The following GMDS variants were observed in gnomAD, a reference collection of about 807,000 sequenced individuals.
GMDS encodes GDP-mannose 4,6 dehydratase.
In GMDS, 20 loss-of-function variants were observed where a neutral mutation model predicts 49.9. The ratio of observed to expected loss-of-function variants is 0.40; its 90% CI spans 0.28 to 0.58. GMDS has a LOEUF of 0.58. Ranked by LOEUF, GMDS falls within the 20% of genes least tolerant of loss-of-function variation. GMDS has a pLI of 0.42. For synonymous variants in GMDS, 177 were observed against 178.6 expected (o/e 0.99, Z 0.07); for missense variants, 362 against 481.4 (o/e 0.75, Z 2.32).
intron 7 of GMDS, among the ~76,000 whole-genome samples, chr6:1,781,358 G>A (rs986099750): frequency 5.9e-5 from 9 of 152,198 alleles, no homozygotes; most frequent in African/African-American, 1.7e-4. Context: ...ATTGCTGCCC[G>A]GCTCCTGGGC....
intron 4 of GMDS, among the ~76,000 whole-genome samples, chr6:1,997,460 A>G (rs750722774): frequency 6.8e-6 from 1 of 146,790 alleles, no homozygotes; most frequent in Non-Finnish European, 1.5e-5. Context: ...GTGAGCTGAG[A>G]TCGCGCCACT....
intron 4 of GMDS, among the ~76,000 whole-genome samples, chr6:2,049,290 T>C (rs1379108585): frequency 2.0e-5 from 3 of 152,232 alleles, no homozygotes; most frequent in Non-Finnish European, 4.4e-5. Context: ...TCTGCAAATA[T>C]GAGAGATTTC....
intron 4 of GMDS, among the ~76,000 whole-genome samples, chr6:2,025,137 T>C (rs954494666): frequency 6.6e-6 from 1 of 152,054 alleles, no homozygotes; most frequent in Non-Finnish European, 1.5e-5. Flanking sequence ...GAAAAGATAC[T>C]AAAATAAATG....
chr6:2,112,883 T>C (rs1581666922), intron 4 of GMDS, among the ~76,000 whole-genome samples: 1 of 152,046 alleles, frequency 6.6e-6, no homozygotes, highest in Non-Finnish European at 1.5e-5. Flanking sequence ...TCATCAGCCC[T>C]ACTTGTCCTC....
intron 4 of GMDS, among the ~76,000 whole-genome samples, chr6:1,999,200 T>C (rs1766495561): frequency 6.6e-6 from 1 of 151,702 alleles, no homozygotes; most frequent in Non-Finnish European, 1.5e-5. Context: ...TGCATGCCTG[T>C]AATTCCAGCT....
At position 1,726,468 on chromosome 6, in the gene GMDS, GTCTCTTTACA is replaced by G; in HGVS notation, c.925_934del (p.Cys309ProfsTer6). 1 of 1,613,826 alleles carries G rather than the reference GTCTCTTTACA, an allele frequency of 6.2e-7. No individual in the cohort carries two copies. The highest frequency in any genetic ancestry group is 8.5e-7 in the Non-Finnish European group (1 of 1,179,670). ...ATCCACAGTCACGTGAACTTTGCCG[GTCTCTTTACA>G]TCTGCCCACTTCATTTTCATTCTTT... On this transcript the variant is annotated frameshift_variant, in exon 9 of 11. Coordinates refer to ENST00000380815, the MANE Select transcript of GMDS (RefSeq NM_001500.4). LOFTEE classifies it high-confidence loss of function.
At chr6:1,723,376 G>A (rs181486120) in intron 9 of GMDS, among the ~76,000 whole-genome samples, 158 of 142,882 alleles carry the variant, frequency 1.1e-3, no homozygotes, top group African/African-American at 4.0e-3. Flanking sequence ...GCCCAGGCTG[G>A]AGTGCAGTGG....
chr6:2,037,030 A>C (rs1294423269), intron 4 of GMDS, among the ~76,000 whole-genome samples: 1 of 152,194 alleles, frequency 6.6e-6, no homozygotes, highest in Non-Finnish European at 1.5e-5. Flanking sequence ...AGATAAAAGG[A>C]GGGAGCCCTT....
chr6:2,066,832 A>C (rs1771630402), intron 4 of GMDS, among the ~76,000 whole-genome samples: 1 of 151,848 alleles, frequency 6.6e-6, no homozygotes. Flanking sequence ...TTAACACCCC[A>C]CTGTCAACAT....
intron 4 of GMDS, among the ~76,000 whole-genome samples, chr6:2,021,507 G>A (rs1044032721): frequency 6.6e-6 from 1 of 152,004 alleles, no homozygotes; most frequent in African/African-American, 2.4e-5. Flanking sequence ...AAAAACTTAA[G>A]CATTCAATCA....
intron 4 of GMDS, among the ~76,000 whole-genome samples, chr6:2,104,124 T>TGC (rs1247652360): frequency 6.6e-6 from 1 of 152,222 alleles, no homozygotes; most frequent in Non-Finnish European, 1.5e-5. Context: ...CTGCAACTTG[T>TGC]GCGTGGTTTC....
chr6:2,102,244 T>C (rs1277274051), intron 4 of GMDS, among the ~76,000 whole-genome samples: 4 of 152,114 alleles, frequency 2.6e-5, no homozygotes, highest in Non-Finnish European at 5.9e-5. Flanking sequence ...ATAAAGTGTA[T>C]CATTTTTAAA....
chr6:1,771,055 AG>A (rs1768559322), intron 7 of GMDS, among the ~76,000 whole-genome samples: 1 of 152,216 alleles, frequency 6.6e-6, no homozygotes, highest in Non-Finnish European at 1.5e-5. Flanking sequence ...AAATTAAATA[AG>A]TGAAATGTTT....
intron 7 of GMDS, among the ~76,000 whole-genome samples, chr6:1,806,125 C>G (rs569707659): frequency 8.2e-4 from 125 of 151,940 alleles, no homozygotes; most frequent in African/African-American, 2.9e-3. Flanking sequence ...AAAAAGGAAA[C>G]AAAGGAAAGA....
At chr6:1,837,709 G>A (rs1205841803) in intron 7 of GMDS, among the ~76,000 whole-genome samples, 1 of 152,190 alleles carries the variant, frequency 6.6e-6, no homozygotes. Context: ...GAGTTAAAGC[G>A]AAGGCACGAT....
At chr6:1,706,342 G>A (rs1288268608) in intron 9 of GMDS, among the ~76,000 whole-genome samples, 2 of 152,222 alleles carry the variant, frequency 1.3e-5, no homozygotes, top group Non-Finnish European at 2.9e-5. Flanking sequence ...CAGGCTTAGT[G>A]ACTGATCAGA....
intron 9 of GMDS, among the ~76,000 whole-genome samples, chr6:1,629,061 T>C (rs937008270): frequency 6.6e-6 from 1 of 152,154 alleles, no homozygotes; most frequent in Non-Finnish European, 1.5e-5. Context: ...GAAAAAGCTC[T>C]CAAGTCTCAC....
intron 1 of GMDS, among the ~76,000 whole-genome samples, chr6:2,132,786 G>C (rs775640627): frequency 6.6e-6 from 1 of 152,158 alleles, no homozygotes. Flanking sequence ...TGCCTAACCG[G>C]ACAGTTCAGT....
intron 6 of GMDS, among the ~76,000 whole-genome samples, chr6:1,950,255 C>T (rs1017775101): frequency 1.3e-5 from 2 of 152,224 alleles, no homozygotes; most frequent in Non-Finnish European, 2.9e-5. Flanking sequence ...GAACCCTTCA[C>T]ACTAATATTA....
Sources: gnomAD v4.1 joint callset for allele counts (sites outside exome capture counted in the v4.1 genomes callset) on GRCh38, gnomAD v4.1.1 for gene constraint, MANE v1.5 for transcripts, NCBI Gene and HGNC (gene_info 2026-07-23, HGNC 2026-07-21) for gene names.